Variants in PRKDC observed in about 807,000 individuals in gnomAD.
The protein encoded by PRKDC is protein kinase, DNA-activated, catalytic subunit, also known as DNA-dependent protein kinase catalytic subunit.
Under a neutral mutation model 486.9 loss-of-function variants are expected in PRKDC, and 82 were observed. The ratio of observed to expected loss-of-function variants is 0.17; its 90% CI spans 0.14 to 0.20. PRKDC has a LOEUF of 0.20. Ranked by LOEUF, PRKDC falls within the 10% of genes least tolerant of loss-of-function variation. PRKDC has a pLI of 1.00. For synonymous variants in PRKDC, 1,895 were observed against 1,837.0 expected (o/e 1.03, Z -0.81); for missense variants, 4,504 against 5,038.2 (o/e 0.89, Z 3.21).
At chr8:47,840,339 A>T (rs1022905334) in intron 54 of PRKDC, 150 bp from the exon 55 acceptor site, 5 of 612,556 alleles carry the variant, frequency 8.2e-6, no homozygotes, top group African/African-American at 7.4e-5. Flanking sequence ...TAAAATGATC[A>T]TGGACTAGAT....
chr8:47,818,773 C>T (rs1054853026), intron 67 of PRKDC, among the ~76,000 whole-genome samples: 10 of 152,088 alleles, frequency 6.6e-5, no homozygotes, highest in Admixed American at 6.5e-4. Context: ...ATTCTGAAAG[C>T]ATCTTTTGTA....
intron 54 of PRKDC, among the ~76,000 whole-genome samples, chr8:47,840,454 T>C (rs1274839684): frequency 6.6e-6 from 1 of 152,250 alleles, no homozygotes; most frequent in Non-Finnish European, 1.5e-5. Context: ...AAGTCTAGTT[T>C]GGTAAATAGT....
At chr8:47,904,073 TC>T (rs2154502415) in intron 26 of PRKDC, among the ~76,000 whole-genome samples, 1 of 152,082 alleles carries the variant, frequency 6.6e-6, no homozygotes, top group South Asian at 2.1e-4. Context: ...AAAATAAGCA[TC>T]AAAAAAAAAC....
chr8:47,918,221 G>T, intron 22 of PRKDC, 56 bp downstream of exon 22: 1 of 1,169,854 alleles, frequency 8.5e-7, no homozygotes, highest in South Asian at 1.7e-5. Context: ...TTTCACAAGT[G>T]TTAGAATCTG....
At chr8:47,883,800 C>T (rs2154501582) in intron 36 of PRKDC, among the ~76,000 whole-genome samples, 1 of 152,372 alleles carries the variant, frequency 6.6e-6, no homozygotes, top group African/African-American at 2.4e-5. Context: ...TCTCACTGAA[C>T]AGGCCTTGCC....
intron 21 of PRKDC, among the ~76,000 whole-genome samples, chr8:47,923,022 T>C (rs2090097271): frequency 6.6e-6 from 1 of 152,116 alleles, no homozygotes; most frequent in Non-Finnish European, 1.5e-5. Flanking sequence ...TTTGCTTCTT[T>C]GGTTTACTGA....
Position 47,927,786 on chromosome 8 carries a change from G to A in PRKDC, c.2244C>T (p.Tyr748=), listed in dbSNP as rs534226541. The part of the protein sequence containing the change: ...HNIIELDVRA[Y]VPALQMAFKL... The stretch of plus-strand genomic sequence containing the variant: ...CAACGCCTACCTGCAGTGCAGGAAC[G>A]TAGGCTCTAACATCGAGTTCAATGA... The change falls in exon 20 of 86, where the codon TAC becomes TAT. Residue 748 remains tyrosine, a synonymous_variant. Transcript: ENST00000314191. 11 of 1,567,070 alleles carry A rather than the reference G, an allele frequency of 7.0e-6. No homozygotes were observed. The highest frequency in any genetic ancestry group is 1.7e-4 in the Middle Eastern group (1 of 5,852).
At chr8:47,817,273 A>C (rs1318525794) in intron 68 of PRKDC, among the ~76,000 whole-genome samples, 177 bp downstream of exon 68, 1 of 152,160 alleles carries the variant, frequency 6.6e-6, no homozygotes, top group East Asian at 1.9e-4. Flanking sequence ...AGCGGGAAAG[A>C]GGACACTGCA....
At chr8:47,803,588 A>G in intron 69 of PRKDC, 108 bp from the exon 70 acceptor site, 7 of 939,522 alleles carry the variant, frequency 7.5e-6, no homozygotes, top group Non-Finnish European at 1.0e-5. Flanking sequence ...ACCTTAGAGT[A>G]GCGAATCCAT....
chr8:47,809,310 C>G (rs1234194908), intron 68 of PRKDC, among the ~76,000 whole-genome samples: 1 of 152,174 alleles, frequency 6.6e-6, no homozygotes, highest in East Asian at 1.9e-4. Context: ...AACCACAGTG[C>G]TGGCTCATTC....
At chr8:47,781,516 C>T (rs529253981) in intron 80 of PRKDC, among the ~76,000 whole-genome samples, 85 of 152,302 alleles carry the variant, frequency 5.6e-4, no homozygotes, top group Non-Finnish European at 8.8e-4. Context: ...AACCTGTCAA[C>T]TTTGGTTGTC....
Position 47,821,617 on chromosome 8 carries a change from T to C in PRKDC, c.9098A>G (p.Glu3033Gly). The change falls in exon 65 of 86, where the codon GAA becomes GGA. Residue 3033 changes from glutamate to glycine, a missense_variant. Physicochemically the swap from Glu to Gly is moderately conservative, Grantham distance 98. Around this residue, in one of 6 missense-constraint regions of PRKDC, gnomAD observed 1,592 missense variants for 1,724.6 expected, o/e 0.92. Coordinates refer to ENST00000314191, the MANE Select transcript of PRKDC (RefSeq NM_006904.7). ...NPPDLNKIWS[E>G]PFYQETYLPY... ...AATTTTACCCACCTGATAAAATGGTTCACTCCAGATTTTATTTAGGTCTGG... is the reference window on the plus strand; with the variant it reads ...AATTTTACCCACCTGATAAAATGGTCCACTCCAGATTTTATTTAGGTCTGG... 1.3e-6 allele frequency: 2 copies of C among 1,596,514 alleles called. No homozygotes were observed. Among genetic ancestry groups the C allele is most frequent in the Non-Finnish European group, 1.7e-6 (2 of 1,169,828 alleles).
In PRKDC at chr8:47,799,314, G is replaced by C. The variant is rs1392734550; in HGVS notation, c.10193C>G (p.Pro3398Arg). 6.2e-7 allele frequency: 1 copy of C among 1,613,136 alleles called. No homozygotes were observed. Among genetic ancestry groups the C allele is most frequent in the Non-Finnish European group, 8.5e-7 (1 of 1,179,858 alleles). The change falls in exon 72 of 86, where the codon CCT (proline) becomes CGT (arginine). Residue 3398 changes from proline to arginine, a missense_variant. Physicochemically the swap from Pro to Arg is moderately radical, Grantham distance 103. Coordinates refer to ENST00000314191, the MANE Select transcript of PRKDC (RefSeq NM_006904.7). ...AVQAAEEEAQ[P>R]PSWSCGPAAG... is the part of the protein sequence containing the mutation. ...TGCAGGCCCACAGCTCCAGGAGGGA[G>C]GCTGGGCCTCCTCCTCAGCCGCCTG...
intron 54 of PRKDC, 105 bp downstream of exon 54, chr8:47,849,049 T>C: frequency 1.4e-6 from 2 of 1,380,586 alleles, no homozygotes; most frequent in Non-Finnish European, 2.0e-6. Flanking sequence ...TTCACAAATG[T>C]GTATATCATG....
At chr8:47,930,095 A>T (rs8178039) in intron 17 of PRKDC, 83 bp from the exon 18 acceptor site, 1 of 1,206,032 alleles carries the variant, frequency 8.3e-7, no homozygotes, top group Non-Finnish European at 1.2e-6. Flanking sequence ...CGAACAACTA[A>T]GCTACAAACC....
chr8:47,899,530 C>G (rs987521267), intron 28 of PRKDC, among the ~76,000 whole-genome samples: 1 of 152,154 alleles, frequency 6.6e-6, no homozygotes. Flanking sequence ...GTAGTCTCAG[C>G]TACTCGGGAG....
At chr8:47,823,403 C>T (rs1025942393) in intron 64 of PRKDC, among the ~76,000 whole-genome samples, 6 of 151,740 alleles carry the variant, frequency 4.0e-5, no homozygotes, top group African/African-American at 1.2e-4. Flanking sequence ...CCTACTCCTG[C>T]TTCGCCTTCT....
chr8:47,863,272 TAAG>T (rs2088718962), intron 42 of PRKDC, 124 bp downstream of exon 42: 3 of 777,536 alleles, frequency 3.9e-6, no homozygotes, highest in Non-Finnish European at 5.8e-6. Context: ...AAGTGGTTTA[TAAG>T]AAGAAAACTA....
At chr8:47,923,543 C>T (rs1335970357) in intron 21 of PRKDC, among the ~76,000 whole-genome samples, 1 of 152,240 alleles carries the variant, frequency 6.6e-6, no homozygotes, top group Non-Finnish European at 1.5e-5. Context: ...GCCCACAAGT[C>T]CTACTGCTAG....
Sources: allele counts gnomAD v4.1 joint callset (sites outside exome capture counted in the v4.1 genomes callset), GRCh38; gene constraint gnomAD v4.1.1; regional missense constraint gnomAD v4.1.1; transcripts MANE v1.5; gene names NCBI Gene and HGNC (gene_info 2026-07-23, HGNC 2026-07-21).